BMAL2: variants seen among roughly 807,000 people sequenced by gnomAD.
BMAL2 encodes basic helix-loop-helix ARNT like 2.
At chr12:27,400,590 A>T in the BMAL2 span, 2 of 1,613,946 alleles carry the variant, frequency 1.2e-6, no homozygotes, top group Non-Finnish European at 1.7e-6. Context: ...CTGGCCTCCA[A>T]ATATTGTTGG....
At chr12:27,395,096 G>T in the BMAL2 span, among the ~76,000 whole-genome samples, 1 of 152,208 alleles carries the variant, frequency 6.6e-6, no homozygotes, top group Non-Finnish European at 1.5e-5. Flanking sequence ...TTTCTATACC[G>T]TAGTTCTCAT....
At chr12:27,383,082 C>T in the BMAL2 span, among the ~76,000 whole-genome samples, 8 of 152,198 alleles carry the variant, frequency 5.3e-5, no homozygotes, top group Admixed American at 3.9e-4. Flanking sequence ...GATTACCAGG[C>T]GGGGCAGTGA....
At chr12:27,352,641 A>G in the BMAL2 span, among the ~76,000 whole-genome samples, 6 of 152,358 alleles carry the variant, frequency 3.9e-5, no homozygotes, top group South Asian at 1.2e-3. Flanking sequence ...CAACAGGAAA[A>G]TAAGTCAAAT....
At chr12:27,367,288 G>A in the BMAL2 span, among the ~76,000 whole-genome samples, 1 of 152,134 alleles carries the variant, frequency 6.6e-6, no homozygotes, top group Non-Finnish European at 1.5e-5. Flanking sequence ...GGATATGCTG[G>A]ACAGAGGGAT....
At chr12:27,404,772 C>T in the BMAL2 span, among the ~76,000 whole-genome samples, 5 of 152,140 alleles carry the variant, frequency 3.3e-5, no homozygotes, top group Non-Finnish European at 7.4e-5. Context: ...GTGGGTGCAG[C>T]GCACCAAGCG....
At chr12:27,420,033 A>G in the BMAL2 span, among the ~76,000 whole-genome samples, 1 of 151,556 alleles carries the variant, frequency 6.6e-6, no homozygotes, top group African/African-American at 2.4e-5. Context: ...ACACACACAC[A>G]CACACACACA....
At chr12:27,365,062 C>A in the BMAL2 span, among the ~76,000 whole-genome samples, 2 of 152,054 alleles carry the variant, frequency 1.3e-5, no homozygotes, top group Non-Finnish European at 2.9e-5. Flanking sequence ...TCAATCATAT[C>A]ATTTCCCAAT....
At chr12:27,340,589 C>CT in the BMAL2 span, among the ~76,000 whole-genome samples, 3,865 of 151,048 alleles carry the variant, frequency 0.026, 158 homozygotes, top group African/African-American at 0.088. Context: ...GCTATTCGGG[C>CT]TTTTTTTTTG....
chr12:27,424,841 C>CT, the BMAL2 span: 1 of 152,194 alleles, frequency 6.6e-6, no homozygotes, highest in African/African-American at 2.4e-5. Context: ...CTTTCATTAG[C>CT]AGATCTTTTT....
At chr12:27,352,720 A>G in the BMAL2 span, among the ~76,000 whole-genome samples, 4 of 152,238 alleles carry the variant, frequency 2.6e-5, no homozygotes, top group African/African-American at 7.2e-5. Flanking sequence ...AAGGCTCCTA[A>G]GCTGATAAAT....
At chr12:27,382,037 C>T in the BMAL2 span, among the ~76,000 whole-genome samples, 5 of 152,176 alleles carry the variant, frequency 3.3e-5, no homozygotes, top group Non-Finnish European at 7.3e-5. Flanking sequence ...AAGAGGAGAG[C>T]AGCACTCACC....
chr12:27,385,980 A>G, the BMAL2 span, among the ~76,000 whole-genome samples: 5 of 151,994 alleles, frequency 3.3e-5, no homozygotes, highest in South Asian at 2.1e-4. Context: ...ATTCCTGTGC[A>G]TGGCTTTTCA....
chr12:27,361,337 G>C, the BMAL2 span, among the ~76,000 whole-genome samples: 1 of 152,212 alleles, frequency 6.6e-6, no homozygotes, highest in Non-Finnish European at 1.5e-5. Context: ...TCACCAGGGA[G>C]ACAGACAGAG....
the BMAL2 span, among the ~76,000 whole-genome samples, chr12:27,396,363 T>C: frequency 6.6e-6 from 1 of 152,254 alleles, no homozygotes; most frequent in African/African-American, 2.4e-5. Flanking sequence ...CCAAGCATGT[T>C]GCATAATTAT....
the BMAL2 span, chr12:27,418,166 G>A: frequency 1.4e-5 from 22 of 1,613,070 alleles, no homozygotes; most frequent in South Asian, 2.2e-5. Flanking sequence ...CCAGAGTACT[G>A]TTGCTGTCCA....
the BMAL2 span, among the ~76,000 whole-genome samples, chr12:27,399,792 G>A: frequency 6.6e-6 from 1 of 151,934 alleles, no homozygotes; most frequent in Non-Finnish European, 1.5e-5. Flanking sequence ...TCACTTTTGT[G>A]GCATGCCATA....
the BMAL2 span, among the ~76,000 whole-genome samples, chr12:27,405,656 A>G: frequency 6.6e-6 from 1 of 152,352 alleles, no homozygotes; most frequent in Non-Finnish European, 1.5e-5. Context: ...GAAAAAACAG[A>G]GCAGAAAAAC....
the BMAL2 span, among the ~76,000 whole-genome samples, chr12:27,379,416 T>C: frequency 6.6e-6 from 1 of 152,030 alleles, no homozygotes. Flanking sequence ...TCAGGGTGAA[T>C]AAAGAGTGAG....
At chr12:27,403,541 G>A in the BMAL2 span, 1 of 1,554,518 alleles carries the variant, frequency 6.4e-7, no homozygotes, top group South Asian at 1.2e-5. Context: ...GATTTACAGA[G>A]GTAATGTTTT....
Sources: allele counts gnomAD v4.1 joint callset (sites outside exome capture counted in the v4.1 genomes callset), GRCh38; gene constraint gnomAD v4.1.1; transcripts MANE v1.5; gene names NCBI Gene and HGNC (gene_info 2026-07-23, HGNC 2026-07-21).